The following ANKH variants were observed in gnomAD, a reference collection of about 807,000 sequenced individuals.
ANKH encodes ANKH inorganic pyrophosphate transport regulator.
ANKH carries 15 observed loss-of-function variants against 49.0 expected under a neutral mutation model. That is an observed-to-expected ratio of 0.31 (90% CI 0.20 to 0.47). The LOEUF is 0.47. ANKH is among the 20% of genes least tolerant of loss of function. ANKH has a pLI of 1.00. For synonymous variants in ANKH, 273 were observed against 260.0 expected, an observed-to-expected ratio of 1.05 and a Z score of -0.48; for missense variants, 429 against 652.0, an observed-to-expected ratio of 0.66 and a Z score of 3.72.
At chr5:14,754,333 GTT>G (rs70964567) in intron 4 of ANKH, among the ~76,000 whole-genome samples, 167 of 132,732 alleles carry the variant, frequency 1.3e-3, no homozygotes, top group African/African-American at 2.8e-3. Context: ...AAAGTTAAGA[GTT>G]TTTTTTTTTT....
intron 2 of ANKH, among the ~76,000 whole-genome samples, chr5:14,767,146 C>T (rs1288582690): frequency 6.6e-6 from 1 of 152,042 alleles, no homozygotes; most frequent in South Asian, 2.1e-4. Flanking sequence ...GAGCTTGTGG[C>T]CACGATTATG....
intron 2 of ANKH, chr5:14,768,595 G>C: frequency 3.4e-6 from 1 of 294,168 alleles, no homozygotes; most frequent in Non-Finnish European, 6.5e-6. Flanking sequence ...CTGCTAATAA[G>C]CATTAATTCT....
intron 6 of ANKH, 141 bp from the exon 7 acceptor site, chr5:14,746,103 G>A (rs768177199): frequency 2.3e-5 from 17 of 727,858 alleles, no homozygotes; most frequent in Non-Finnish European, 3.7e-5. Flanking sequence ...CATCAGGCAA[G>A]CACAGGACGG....
intron 3 of ANKH, among the ~76,000 whole-genome samples, chr5:14,757,609 C>T (rs1738945087): frequency 6.6e-6 from 1 of 151,926 alleles, no homozygotes; most frequent in South Asian, 2.1e-4. Context: ...GTATGTTCAA[C>T]AGATTCTTAC....
intron 8 of ANKH, among the ~76,000 whole-genome samples, chr5:14,740,947 A>T (rs1209103704): frequency 1.3e-5 from 2 of 152,244 alleles, no homozygotes; most frequent in Non-Finnish European, 2.9e-5. Flanking sequence ...ACCGGATTTA[A>T]TAGGACATGT....
intron 11 of ANKH, 52 bp from the exon 12 acceptor site, chr5:14,711,362 A>G: frequency 1.3e-6 from 2 of 1,491,646 alleles, no homozygotes; most frequent in Non-Finnish European, 1.9e-6. Flanking sequence ...GACACTGCAC[A>G]GCAGAACCAC....
chr5:14,772,325 G>A (rs1007244802), intron 1 of ANKH, among the ~76,000 whole-genome samples: 24 of 152,158 alleles, frequency 1.6e-4, no homozygotes, highest in South Asian at 4.1e-4. Context: ...GTATTTACAG[G>A]AAAATATCAA....
In ANKH at chr5:14,709,142, C is replaced by T. The variant is rs917237703; in HGVS notation, c.*2055G>A. ...CTCCTGACCTTAAGTGATCCACCCTCCTTGGCCTCCCAAAGTGTTGGGATT... is the reference window on the plus strand; with the variant it reads ...CTCCTGACCTTAAGTGATCCACCCTTCTTGGCCTCCCAAAGTGTTGGGATT... On this transcript the variant is annotated 3_prime_UTR_variant, in exon 12 of 12. Coordinates refer to ENST00000284268, the MANE Select transcript of ANKH (RefSeq NM_054027.6). 1 of 152,240 alleles carries T rather than the reference C, an allele frequency of 6.6e-6. No individual in the cohort carries two copies. Among genetic ancestry groups the T allele is most frequent in the Non-Finnish European group, 1.5e-5 (1 of 68,070 alleles). The allele number at this position is 152,240 out of a possible 1,614,324, so 9.4% of individuals were successfully genotyped here. A position where few individuals can be genotyped will look rare whatever the true frequency, so the allele number is the denominator to read the frequency against.
intron 8 of ANKH, 198 bp downstream of exon 8, chr5:14,741,629 G>T (rs1225255522): frequency 1.8e-6 from 1 of 569,106 alleles, no homozygotes; most frequent in Non-Finnish European, 3.1e-6. Context: ...CCTGAAGTGG[G>T]TCCTTTATTC....
chr5:14,764,518 T>C lies in ANKH; in HGVS notation c.313+4457A>G, dbSNP rs996322574. Among the ~76,000 whole-genome samples the C allele has an allele frequency of 9.2e-5, 14 of 152,216 alleles. No homozygotes were observed. The South Asian group carries it at 2.5e-3, about 27-fold the overall frequency. ...CGACCTCCTGGCCCTCAGCTGACCA[T>C]AGAGGCCTGAGCCTAGTCAAGTTCC... On this transcript the variant is annotated intron_variant, in intron 2 of 11. Transcript: ENST00000284268.
At chr5:14,839,094 CT>C (rs1433141010) in intron 1 of ANKH, among the ~76,000 whole-genome samples, 3 of 152,124 alleles carry the variant, frequency 2.0e-5, no homozygotes, top group African/African-American at 7.2e-5. Flanking sequence ...CAAGCTGAGC[CT>C]TGTGCCATGT....
At chr5:14,738,383 G>A (rs1738251154) in intron 8 of ANKH, among the ~76,000 whole-genome samples, 1 of 152,152 alleles carries the variant, frequency 6.6e-6, no homozygotes, top group South Asian at 2.1e-4. Flanking sequence ...CTGAGTCATT[G>A]GGTGTCTACA....
chr5:14,728,187 C>G (rs1021775), intron 8 of ANKH, among the ~76,000 whole-genome samples: 25,224 of 152,298 alleles, frequency 0.17, 2,417 homozygotes, highest in East Asian at 0.31. Context: ...ATATGTGATT[C>G]CATTTCATCT....
At chr5:14,771,034 G>C (rs960888486) in intron 1 of ANKH, among the ~76,000 whole-genome samples, 2 of 152,142 alleles carry the variant, frequency 1.3e-5, no homozygotes, top group Non-Finnish European at 2.9e-5. Flanking sequence ...AATCAAGATA[G>C]CTGTTGATAA....
In ANKH at chr5:14,798,491, AT is replaced by A. The variant is rs34182070; in HGVS notation, c.97-29301del. On this transcript the variant is annotated intron_variant, in intron 1 of 11. Transcript: ENST00000284268. ...CGTTCGCTCTGCGCACGCGGTCTCT[AT>A]TTTTTTTTTTAATTAACAAATTGAA... The A allele has an allele frequency of 7.0e-3, 5,810 of 835,948 alleles. 2 individuals carry two copies. The highest frequency in any genetic ancestry group is 0.012 in the Middle Eastern group (30 of 2,552). The allele number at this position is 835,948 out of a possible 1,614,324, so 51.8% of individuals were successfully genotyped here.
At chr5:14,805,536 A>C (rs955577264) in intron 1 of ANKH, among the ~76,000 whole-genome samples, 5 of 150,438 alleles carry the variant, frequency 3.3e-5, no homozygotes, top group Admixed American at 2.6e-4. Flanking sequence ...ACATATATAT[A>C]TCTCTCCTAT....
Position 14,737,624 on chromosome 5 carries a change from C to T in ANKH, c.1011+4203G>A, listed in dbSNP as rs1341971774. Among the ~76,000 whole-genome samples the T allele has an allele frequency of 6.6e-6, 1 of 152,246 alleles. No homozygotes were observed. The highest frequency in any genetic ancestry group is 2.1e-4 in the South Asian group (1 of 4,836). On this transcript the variant is annotated intron_variant, in intron 8 of 11. Transcript: ENST00000284268. The surrounding 1 kb of genome is among the most constrained non-coding windows in gnomAD (Gnocchi z 5.0). ...GGAGACACCTTGCATGGCGAGGCTG[C>T]GACGCAGTCTCCTTTGCGTGGCTGC... is the stretch of plus-strand genomic sequence containing the variant.
intron 1 of ANKH, among the ~76,000 whole-genome samples, chr5:14,803,427 G>A (rs1328345251): frequency 1.3e-5 from 2 of 151,886 alleles, no homozygotes; most frequent in African/African-American, 2.4e-5. Flanking sequence ...CTACAGGCAC[G>A]CACCACCACT....
chr5:14,822,052 CCCTTT>C, intron 1 of ANKH, among the ~76,000 whole-genome samples: 1 of 152,184 alleles, frequency 6.6e-6, no homozygotes, highest in South Asian at 2.1e-4. Flanking sequence ...TTCACATGAT[CCCTTT>C]CTTTCTCCTA....
Sources: allele counts gnomAD v4.1 joint callset (sites outside exome capture counted in the v4.1 genomes callset), GRCh38; gene constraint gnomAD v4.1.1; non-coding constraint Gnocchi (gnomAD v3.1); transcripts MANE v1.5; gene names NCBI Gene and HGNC (gene_info 2026-07-23, HGNC 2026-07-21).